CTTNBP2NL: variants seen among roughly 807,000 people sequenced by gnomAD.
The protein encoded by CTTNBP2NL is CTTNBP2 N-terminal like.
In CTTNBP2NL, 16 loss-of-function variants were observed where a neutral mutation model predicts 32.5. The observed-to-expected ratio is 0.49, with a 90% CI of 0.33 to 0.75. The LOEUF (loss-of-function observed/expected upper bound fraction) is 0.75. Ranked by LOEUF, CTTNBP2NL falls within the 30% of genes least tolerant of loss-of-function variation. The pLI, the probability that CTTNBP2NL is intolerant of heterozygous loss-of-function variation, is 0.02. For synonymous variants in CTTNBP2NL, 298 were observed against 289.4 expected, an observed-to-expected ratio of 1.03 and a Z score of -0.30; for missense variants, 645 against 756.0, an observed-to-expected ratio of 0.85 and a Z score of 1.72.
intron 3 of CTTNBP2NL, among the ~76,000 whole-genome samples, chr1:112,440,026 C>T (rs1256817630): frequency 6.6e-6 from 1 of 152,164 alleles, no homozygotes; most frequent in Non-Finnish European, 1.5e-5. Context: ...ATTTTAAGCT[C>T]CTTGAGGGCA....
intron 2 of CTTNBP2NL, among the ~76,000 whole-genome samples, chr1:112,413,288 C>T (rs1489589561): frequency 6.6e-6 from 1 of 152,192 alleles, no homozygotes; most frequent in East Asian, 1.9e-4. Context: ...AGAAGGACTT[C>T]CCAATTGCAA....
At chr1:112,452,335 C>CTTCTTCTTTTTTTT (rs1553227272) in intron 4 of CTTNBP2NL, among the ~76,000 whole-genome samples, 1 of 65,688 alleles carries the variant, frequency 1.5e-5, no homozygotes, top group African/African-American at 6.1e-5. Context: ...CCAGTCTCTT[C>CTTCTTCTTTTTTTT]TTTTTTTTTT....
Position 112,456,945 on chromosome 1 carries a change from A to G in CTTNBP2NL, c.1453A>G (p.Arg485Gly), listed in dbSNP as rs1338863684. The change falls in exon 6 of 6, where the codon AGG becomes GGG. Residue 485 changes from arginine (R) to glycine (G), a missense_variant. By Grantham distance (125) the Arg-to-Gly change is moderately radical. Transcript: ENST00000271277. ...CAGTGGCCTACAGAGCCCTCCATCC[A>G]GGGATTTATCCCCCACCCTCATAGA... ...QASGLQSPPS[R>G]DLSPTLIDNS... is the part of the protein sequence containing the mutation. The G allele has an allele frequency of 1.9e-6, 3 of 1,614,090 alleles. No homozygotes were observed. Among genetic ancestry groups the G allele is most frequent in the Non-Finnish European group, 2.5e-6 (3 of 1,180,020 alleles).
rs1048182010 is a variant in CTTNBP2NL at position 112,456,372 on chromosome 1, G to A, written c.880G>A (p.Val294Ile). The A allele has an allele frequency of 3.1e-6, 5 of 1,614,040 alleles. No homozygotes were observed. The highest frequency in any genetic ancestry group is 4.2e-6 in the Non-Finnish European group (5 of 1,180,030). The change falls in exon 6 of 6, where the codon GTA (valine) becomes ATA (isoleucine). Residue 294 changes from valine (V) to isoleucine (I), a missense_variant. Transcript: ENST00000271277. ...CCCTAATGAGCAATTGAAGAAACCA[G>A]TAACCGTGTCCAAAGGCACAGCAAC... ...SSPNEQLKKP[V>I]TVSKGTATEP...
chr1:112,433,896 C>G (rs1204246265), intron 3 of CTTNBP2NL, among the ~76,000 whole-genome samples: 2 of 150,082 alleles, frequency 1.3e-5, no homozygotes, highest in African/African-American at 4.9e-5. Context: ...TACTGAGTCT[C>G]CTTTGTGGCT....
intron 3 of CTTNBP2NL, among the ~76,000 whole-genome samples, chr1:112,426,760 C>T (rs1346826559): frequency 2.0e-5 from 3 of 151,954 alleles, no homozygotes; most frequent in African/African-American, 4.8e-5. Context: ...TTGCCCACCA[C>T]CACACCCAGC....
rs143271388 is a variant in CTTNBP2NL at position 112,442,776 on chromosome 1, C to T, written c.100-6166C>T. ...AGCAATCTCAGCTCACTATAACCTC[C>T]GCCTCCCATGTTCAAGCAATTCTCC... On this transcript the variant is annotated intron_variant, in intron 3 of 5. Transcript: ENST00000271277. 4.0e-3 allele frequency among the ~76,000 whole-genome samples: 604 copies of T among 151,942 alleles called. 5 individuals are homozygous for T. Among genetic ancestry groups the T allele is most frequent in the African/African-American group, 0.014 (570 of 41,458 alleles).
chr1:112,412,700 T>G (rs1648915459), intron 2 of CTTNBP2NL, among the ~76,000 whole-genome samples: 1 of 141,314 alleles, frequency 7.1e-6, no homozygotes, highest in South Asian at 2.5e-4. Flanking sequence ...CACTGCCATC[T>G]CCACCTCCCA....
chr1:112,445,763 T>C (rs1283653301), intron 3 of CTTNBP2NL, among the ~76,000 whole-genome samples: 1 of 152,262 alleles, frequency 6.6e-6, no homozygotes, highest in African/African-American at 2.4e-5. Flanking sequence ...GCTCTTTGTC[T>C]ATTACTCATA....
intron 2 of CTTNBP2NL, 188 bp from the exon 3 acceptor site, chr1:112,415,969 A>T (rs1649048279): frequency 2.0e-6 from 1 of 511,954 alleles, no homozygotes; most frequent in Admixed American, 3.9e-5. Context: ...AATTAAAGTG[A>T]ATTTTACTTT....
At chr1:112,427,286 A>G (rs1359473241) in intron 3 of CTTNBP2NL, among the ~76,000 whole-genome samples, 2 of 152,206 alleles carry the variant, frequency 1.3e-5, no homozygotes, top group Non-Finnish European at 2.9e-5. Context: ...TGGGAGCACA[A>G]GAAGATTGAT....
upstream of CTTNBP2NL, among the ~76,000 whole-genome samples, chr1:112,393,227 C>G (rs1450482346): frequency 6.6e-6 from 1 of 152,142 alleles, no homozygotes; most frequent in East Asian, 1.9e-4. Flanking sequence ...TTAAGCTGCC[C>G]AGATAGAAAC....
At chr1:112,420,406 G>C (rs1482294962) in intron 3 of CTTNBP2NL, among the ~76,000 whole-genome samples, 1 of 151,704 alleles carries the variant, frequency 6.6e-6, no homozygotes, top group Non-Finnish European at 1.5e-5. Context: ...GCCTCCCAAA[G>C]TGCTGGGATT....
At chr1:112,455,151 G>A (rs370951127) in intron 5 of CTTNBP2NL, among the ~76,000 whole-genome samples, 31 of 152,096 alleles carry the variant, frequency 2.0e-4, no homozygotes, top group Non-Finnish European at 2.4e-4. Flanking sequence ...TCCCTCTCAC[G>A]CAGAGTCTCT....
At chr1:112,436,408 A>G (rs1649731848) in intron 3 of CTTNBP2NL, among the ~76,000 whole-genome samples, 1 of 152,212 alleles carries the variant, frequency 6.6e-6, no homozygotes. Flanking sequence ...GGTGACATTT[A>G]AAGTTTCCAT....
chr1:112,401,746 G>T (rs1454598896), intron 1 of CTTNBP2NL, among the ~76,000 whole-genome samples: 2 of 152,024 alleles, frequency 1.3e-5, no homozygotes, highest in Non-Finnish European at 2.9e-5. Context: ...CTACAAAGAG[G>T]CATTGAACTA....
At position 112,456,401 on chromosome 1, in the gene CTTNBP2NL, GCCT is replaced by G; in HGVS notation, c.911_913del (p.Pro304del). ...CCGTGTCCAAAGGCACAGCAACTGA[GCCT>G]CTCATGCTAATGTCTGTGTTTTGCC... is the stretch of plus-strand genomic sequence containing the variant. On this transcript the variant is annotated inframe_deletion, in exon 6 of 6. Coordinates refer to ENST00000271277, the MANE Select transcript of CTTNBP2NL (RefSeq NM_018704.3). 3.7e-6 allele frequency: 6 copies of G among 1,614,112 alleles called. No homozygotes were observed. Among genetic ancestry groups the G allele is most frequent in the Non-Finnish European group, 5.1e-6 (6 of 1,180,046 alleles).
rs1650526538 is a variant in CTTNBP2NL at position 112,460,701 on chromosome 1, C to G, written c.*3289C>G. On this transcript the variant is annotated 3_prime_UTR_variant, in exon 6 of 6. Transcript: ENST00000271277. ...AACTACTCCAGCGCTGTTGCTGCTG[C>G]AATGTTAGCAAATGCAAGCCAGAGA... 6.6e-6 allele frequency: 1 copy of G among 152,198 alleles called. No homozygotes were observed. Among genetic ancestry groups the G allele is most frequent in the South Asian group, 2.1e-4 (1 of 4,826 alleles). The allele number at this position is 152,198 out of a possible 1,614,324, so 9.4% of individuals were successfully genotyped here.
At chr1:112,408,220 A>ATTTTTTTTTTTTTTTTTTTTTTTATT (rs397981257) in intron 1 of CTTNBP2NL, among the ~76,000 whole-genome samples, 4 of 103,760 alleles carry the variant, frequency 3.9e-5, no homozygotes, top group African/African-American at 8.6e-5. Flanking sequence ...TTTTTTTTTA[A>ATTTTTTTTTTTTTTTTTTTTTTTATT]TTTTTTTTTT....
Sources: allele counts gnomAD v4.1 joint callset (sites outside exome capture counted in the v4.1 genomes callset), GRCh38; gene constraint gnomAD v4.1.1; transcripts MANE v1.5; gene names NCBI Gene and HGNC (gene_info 2026-07-23, HGNC 2026-07-21).